The following ADGB variants were observed in gnomAD, a reference collection of about 807,000 sequenced individuals.
ADGB encodes the protein calpain-7-like protein.
In ADGB, 172 loss-of-function variants were observed where a neutral mutation model predicts 210.5. The observed-to-expected ratio is 0.82, with a 90% confidence interval of 0.72 to 0.93. The LOEUF (loss-of-function observed/expected upper bound fraction) is 0.93, where lower values mean the gene tolerates loss of function less well. Among genes scored for constraint, ADGB ranks in the 40% least tolerant of loss-of-function variants. ADGB has a pLI of 0.00. For missense variants in ADGB, 2,025 were observed against 1,964.8 expected (o/e 1.03, Z -0.58); for synonymous variants, 658 against 662.7 (o/e 0.99, Z 0.11).
At chr6:146,768,810 G>A (rs917191269) in intron 28 of ADGB, among the ~76,000 whole-genome samples, 7 of 152,282 alleles carry the variant, frequency 4.6e-5, no homozygotes, top group Non-Finnish European at 1.0e-4. Context: ...AAGTTGGGTA[G>A]TGGCAGGTGT....
intron 27 of ADGB, 42 bp from the exon 28 acceptor site, chr6:146,763,859 T>C (rs1037923986): frequency 6.8e-7 from 1 of 1,475,272 alleles, no homozygotes; most frequent in Non-Finnish European, 9.2e-7. Context: ...TAACTATGTA[T>C]ATCACATATT....
rs1310928383 is a variant in ADGB at position 146,733,152 on chromosome 6, A to G, written c.2553A>G (p.Lys851=). The change falls in exon 21 of 36, where the codon AAA becomes AAG. Residue 851 remains lysine, a synonymous_variant. Transcript: ENST00000397944. The part of the protein sequence containing the change: ...VFHLSLWRLM[K]KVQITKPPPN... ...ATCTTTCCTTATGGCGTTTAATGAA[A>G]AAAGTTCAAATAACAAAACCTCCTC... The G allele has an allele frequency of 2.6e-6, 4 of 1,533,394 alleles. No individual in the cohort carries two copies. The Admixed American group carries it at 6.1e-5, about 23-fold the overall frequency. The allele number at this position is 1,533,394 out of a possible 1,614,324, so 95.0% of individuals were successfully genotyped here. A position where few individuals can be genotyped will look rare whatever the true frequency, so the allele number is the denominator to read the frequency against.
intron 16 of ADGB, among the ~76,000 whole-genome samples, chr6:146,718,634 T>C (rs867297141): frequency 6.6e-6 from 1 of 152,234 alleles, no homozygotes; most frequent in Non-Finnish European, 1.5e-5. Context: ...TCCGGGAAAC[T>C]AAACTGTACC....
intron 9 of ADGB, among the ~76,000 whole-genome samples, chr6:146,684,957 T>C (rs1776202936): frequency 6.6e-6 from 1 of 152,100 alleles, no homozygotes; most frequent in African/African-American, 2.4e-5. Flanking sequence ...AGACATATAC[T>C]GGGCTGACAA....
At chr6:146,755,660 G>T (rs1440670977) in intron 27 of ADGB, among the ~76,000 whole-genome samples, 1 of 151,968 alleles carries the variant, frequency 6.6e-6, no homozygotes, top group Non-Finnish European at 1.5e-5. Flanking sequence ...GCAGTGTGAG[G>T]ACAGACTAAT....
chr6:146,775,656 A>G (rs553928221), intron 29 of ADGB, among the ~76,000 whole-genome samples: 1 of 152,230 alleles, frequency 6.6e-6, no homozygotes, highest in Non-Finnish European at 1.5e-5. Flanking sequence ...TCTCAAAAAT[A>G]TTTGGTTTCA....
At position 146,672,230 on chromosome 6, in the gene ADGB, A is replaced by G. The variant is rs1227412942; in HGVS notation, c.850A>G (p.Met284Val). ...PEVISLHPGY[M>V]DKVWELLKEI... ...TGTCTTTTCTCTTAGCCCGGGATAT[A>G]TGGACAAAGTTTGGGAGCTCCTGAA... Residue 284 changes from methionine to valine, a missense_variant, in exon 8 of 36, where the codon ATG becomes GTG. By Grantham distance (21) the Met-to-Val change is conservative (BLOSUM62 1). Coordinates refer to ENST00000397944, the MANE Select transcript of ADGB (RefSeq NM_024694.4). 3.9e-6 allele frequency: 6 copies of G among 1,520,664 alleles called. No individual in the cohort carries two copies. The East Asian group carries it at 7.4e-5, about 19-fold the overall frequency. 94.2% of individuals were successfully genotyped at this position (1,520,664 alleles called of 1,614,324 possible).
At chr6:146,713,398 T>C (rs1457427965) in intron 13 of ADGB, among the ~76,000 whole-genome samples, 1 of 148,844 alleles carries the variant, frequency 6.7e-6, no homozygotes, top group Admixed American at 6.6e-5. Flanking sequence ...TACCAACATT[T>C]ATTATTTTCT....
At chr6:146,764,125 T>A in intron 28 of ADGB, 25 bp downstream of exon 28, 1 of 1,506,672 alleles carries the variant, frequency 6.6e-7, no homozygotes, top group Admixed American at 2.2e-5. Flanking sequence ...ATTGTTCAAT[T>A]GGACTGTTCC....
chr6:146,703,805 C>T (rs569223180), intron 13 of ADGB, among the ~76,000 whole-genome samples: 19 of 151,534 alleles, frequency 1.3e-4, no homozygotes, highest in Non-Finnish European at 1.9e-4. Flanking sequence ...ACACTGATTT[C>T]ATTTCCTTTG....
chr6:146,631,681 C>A (rs1302895427), intron 1 of ADGB, among the ~76,000 whole-genome samples: 1 of 152,078 alleles, frequency 6.6e-6, no homozygotes, highest in African/African-American at 2.4e-5. Flanking sequence ...TCCAATGTTC[C>A]TACCACAGTG....
chr6:146,717,142 C>T, intron 15 of ADGB, 73 bp downstream of exon 15: 13 of 1,229,054 alleles, frequency 1.1e-5, no homozygotes, highest in South Asian at 1.6e-5. Flanking sequence ...TATACAAAGT[C>T]ACATTAAGAT....
intron 26 of ADGB, among the ~76,000 whole-genome samples, chr6:146,751,606 A>G (rs147281771): frequency 1.1e-4 from 17 of 152,100 alleles, no homozygotes; most frequent in African/African-American, 3.1e-4. Flanking sequence ...ACGGTGTAAA[A>G]GAGTTTCCAT....
At chr6:146,639,607 T>A (rs1466101296) in intron 2 of ADGB, 1 of 151,972 alleles carries the variant, frequency 6.6e-6, no homozygotes. Context: ...ATGACATGAT[T>A]CTATATCTAG....
At chr6:146,774,953 A>G (rs1426497520) in intron 29 of ADGB, among the ~76,000 whole-genome samples, 2 of 152,026 alleles carry the variant, frequency 1.3e-5, no homozygotes, top group African/African-American at 2.4e-5. Flanking sequence ...TTGTATTTTC[A>G]GTAGAGATGG....
intron 1 of ADGB, among the ~76,000 whole-genome samples, chr6:146,618,363 G>A (rs965638120): frequency 6.6e-5 from 10 of 150,758 alleles, no homozygotes; most frequent in African/African-American, 1.2e-4. Flanking sequence ...ATTTTTATTC[G>A]TCAGAAATAG....
At chr6:146,762,887 C>T (rs929009193) in intron 27 of ADGB, among the ~76,000 whole-genome samples, 3 of 152,104 alleles carry the variant, frequency 2.0e-5, no homozygotes, top group Non-Finnish European at 4.4e-5. Context: ...AAGCTCACAG[C>T]CCCCCAGTAG....
At chr6:146,796,825 T>C (rs1180231105) in intron 33 of ADGB, among the ~76,000 whole-genome samples, 1 of 151,598 alleles carries the variant, frequency 6.6e-6, no homozygotes, top group Non-Finnish European at 1.5e-5. Flanking sequence ...CAAAAGCAAA[T>C]GCAACAAAAA....
At chr6:146,738,156 T>G (rs890757365) in intron 23 of ADGB, among the ~76,000 whole-genome samples, 1 of 152,226 alleles carries the variant, frequency 6.6e-6, no homozygotes, top group African/African-American at 2.4e-5. Context: ...TAGGGATATC[T>G]ACTGTATAGT....
Sources: allele counts gnomAD v4.1 joint callset (sites outside exome capture counted in the v4.1 genomes callset), GRCh38; gene constraint gnomAD v4.1.1; transcripts MANE v1.5; gene names NCBI Gene and HGNC (gene_info 2026-07-23, HGNC 2026-07-21).